The following BABAM2 variants were observed in gnomAD, a reference collection of about 807,000 sequenced individuals.
BABAM2 encodes BRISC and BRCA1-A complex member 2.
BABAM2 carries 31 observed loss-of-function variants against 54.7 expected under a neutral mutation model. That is an observed-to-expected ratio of 0.57 (90% confidence interval 0.43 to 0.77). BABAM2 has a LOEUF of 0.77. Among genes scored for constraint, BABAM2 ranks in the 30% least tolerant of loss-of-function variants. The pLI, the probability that BABAM2 is intolerant of heterozygous loss-of-function variation, is 0.00. For synonymous variants in BABAM2, 167 were observed against 162.9 expected (o/e 1.03, Z -0.19); for missense variants, 364 against 455.8 (o/e 0.80, Z 1.83).
chr2:28,129,854 G>GT (rs2148768977), intron 7 of BABAM2, among the ~76,000 whole-genome samples: 1 of 152,304 alleles, frequency 6.6e-6, no homozygotes, highest in Non-Finnish European at 1.5e-5. Flanking sequence ...AAGATAACAT[G>GT]TTTTATTTTG....
intron 1 of BABAM2, among the ~76,000 whole-genome samples, chr2:27,894,290 G>A (rs1440851587): frequency 2.6e-5 from 4 of 152,238 alleles, no homozygotes; most frequent in African/African-American, 4.8e-5. Context: ...GAAGGAAAAG[G>A]GAATTGTATT....
At chr2:28,203,929 C>T (rs1400418429) in intron 7 of BABAM2, among the ~76,000 whole-genome samples, 1 of 152,202 alleles carries the variant, frequency 6.6e-6, no homozygotes, top group Non-Finnish European at 1.5e-5. Flanking sequence ...GCAGCACTTG[C>T]CAATGCTTGT....
At chr2:28,002,498 G>T (rs114271604) in intron 4 of BABAM2, among the ~76,000 whole-genome samples, 3 of 151,734 alleles carry the variant, frequency 2.0e-5, no homozygotes, top group African/African-American at 7.3e-5. Flanking sequence ...TTGCAATAAA[G>T]TTTTTTTTAA....
At chr2:28,062,819 T>A (rs1269712168) in intron 6 of BABAM2, among the ~76,000 whole-genome samples, 1 of 152,180 alleles carries the variant, frequency 6.6e-6, no homozygotes, top group African/African-American at 2.4e-5. Context: ...CAAGTGTTTA[T>A]CCCCAGGGTT....
chr2:27,904,451 C>T lies in BABAM2; in HGVS notation c.128+9767C>T, dbSNP rs192946695. Among the ~76,000 whole-genome samples, 9 of 152,238 alleles carry T rather than the reference C, an allele frequency of 5.9e-5. No individual in the cohort carries two copies. The East Asian group carries it at 1.7e-3, about 29-fold the overall frequency. Reference sequence around the variant, plus strand: ...ACCTCCAGATAATCAATCTGGCAGTCCTCCAATAAAAAGGCCAGAATGCTG... The same window carrying T: ...ACCTCCAGATAATCAATCTGGCAGTTCTCCAATAAAAAGGCCAGAATGCTG... On this transcript the variant is annotated intron_variant, in intron 2 of 11. Coordinates refer to ENST00000379624, the MANE Select transcript of BABAM2 (RefSeq NM_199191.3).
At chr2:28,333,457 C>T (rs1236277091) in intron 11 of BABAM2, among the ~76,000 whole-genome samples, 1 of 152,206 alleles carries the variant, frequency 6.6e-6, no homozygotes, top group Non-Finnish European at 1.5e-5. Context: ...AGTAGACCCC[C>T]TGACTCCTGA....
At chr2:27,933,100 G>T (rs960936641) in intron 3 of BABAM2, among the ~76,000 whole-genome samples, 2 of 152,136 alleles carry the variant, frequency 1.3e-5, no homozygotes, top group African/African-American at 4.8e-5. Context: ...AGTAGCATGG[G>T]TTTATGTTAG....
chr2:27,925,307 C>G (rs1022870035), intron 2 of BABAM2, among the ~76,000 whole-genome samples: 1 of 152,180 alleles, frequency 6.6e-6, no homozygotes, highest in African/African-American at 2.4e-5. Context: ...TTATCTCACA[C>G]TTTGAACTCT....
chr2:28,176,595 A>AAAAAAAAAAC (rs1351450797), intron 7 of BABAM2, among the ~76,000 whole-genome samples: 2 of 146,470 alleles, frequency 1.4e-5, no homozygotes, highest in African/African-American at 2.5e-5. Context: ...AAAAAAAAAA[A>AAAAAAAAAAC]ACCTCACTGA....
intron 2 of BABAM2, among the ~76,000 whole-genome samples, chr2:27,908,534 A>G (rs1666351901): frequency 6.6e-6 from 1 of 152,042 alleles, no homozygotes; most frequent in South Asian, 2.1e-4. Flanking sequence ...TGGCCTCTCA[A>G]AGTGCTGGAT....
intron 10 of BABAM2, among the ~76,000 whole-genome samples, chr2:28,256,609 A>G (rs1258861441): frequency 1.3e-5 from 2 of 152,028 alleles, no homozygotes; most frequent in Non-Finnish European, 2.9e-5. Flanking sequence ...AAGGTCATGC[A>G]TGATATTAGT....
rs1469139666 is a variant in BABAM2 at position 28,315,420 on chromosome 2, TTTTTTCTTTTC to T, written c.1088+16934_1088+16944del. Reference sequence around the variant, plus strand: ...AGGTATTTCTTTGTGTGTGTGGTTCTTTTTTCTTTTCTTTTCTTTTCTTTTCTTTTCTTTTC... The same window carrying T: ...AGGTATTTCTTTGTGTGTGTGGTTCTTTTTCTTTTCTTTTCTTTTCTTTTC... On this transcript the variant is annotated intron_variant, in intron 11 of 11. Coordinates refer to ENST00000379624, the MANE Select transcript of BABAM2 (RefSeq NM_199191.3). Among the ~76,000 whole-genome samples the T allele has an allele frequency of 5.9e-3, 835 of 141,964 alleles. 6 individuals carry two copies. The highest frequency in any genetic ancestry group is 0.019 in the Middle Eastern group (5 of 268). 93.1% of individuals were successfully genotyped at this position (141,964 alleles called of 152,430 possible).
At chr2:28,323,739 A>G (rs1489568424) in intron 11 of BABAM2, among the ~76,000 whole-genome samples, 1 of 152,184 alleles carries the variant, frequency 6.6e-6, no homozygotes, top group Admixed American at 6.5e-5. Flanking sequence ...GAGTTTTAAG[A>G]TGACCTTTAT....
chr2:27,890,358 C>T (rs1387243694), upstream of BABAM2: 1 of 1,611,896 alleles, frequency 6.2e-7, no homozygotes, highest in Non-Finnish European at 8.5e-7. The surrounding 1 kb of genome is among the most constrained non-coding windows in gnomAD (Gnocchi z 4.8). Flanking sequence ...CTCAAAGGTG[C>T]TGCTGTCCAA....
chr2:28,210,189 G>A (rs1182769697), intron 7 of BABAM2, among the ~76,000 whole-genome samples: 2 of 152,132 alleles, frequency 1.3e-5, no homozygotes, highest in Non-Finnish European at 2.9e-5. Flanking sequence ...GTCCTCCCTG[G>A]TTCTCCTCCC....
intron 4 of BABAM2, among the ~76,000 whole-genome samples, chr2:28,004,864 A>T (rs1489285315): frequency 6.6e-6 from 1 of 152,108 alleles, no homozygotes; most frequent in African/African-American, 2.4e-5. Flanking sequence ...TTTTAAAAAG[A>T]CTTATTTATT....
At chr2:28,245,737 A>G (rs1682858372) in intron 10 of BABAM2, among the ~76,000 whole-genome samples, 2 of 152,138 alleles carry the variant, frequency 1.3e-5, no homozygotes, top group Non-Finnish European at 2.9e-5. Context: ...CTTCACTCAA[A>G]CCCATGGCTT....
intron 7 of BABAM2, among the ~76,000 whole-genome samples, chr2:28,236,858 A>G (rs750265730): frequency 6.6e-6 from 1 of 152,222 alleles, no homozygotes; most frequent in Non-Finnish European, 1.5e-5. Context: ...TGAATAACTT[A>G]TCTGTGCCCA....
At chr2:28,245,878 C>T (rs537338898) in intron 10 of BABAM2, among the ~76,000 whole-genome samples, 3 of 152,280 alleles carry the variant, frequency 2.0e-5, no homozygotes, top group East Asian at 1.9e-4. Context: ...TTACCTTCTT[C>T]GTTATGATTT....
Sources: gnomAD v4.1 joint callset for allele counts (sites outside exome capture counted in the v4.1 genomes callset) on GRCh38, gnomAD v4.1.1 for gene constraint, Gnocchi (gnomAD v3.1) non-coding constraint, MANE v1.5 for transcripts, NCBI Gene and HGNC (gene_info 2026-07-23, HGNC 2026-07-21) for gene names.